TIAM2: variants seen among roughly 807,000 people sequenced by gnomAD.
TIAM2 encodes rho guanine nucleotide exchange factor TIAM2.
Under a neutral mutation model 152.9 loss-of-function variants are expected in TIAM2, and 80 were observed. The ratio of observed to expected loss-of-function variants is 0.52; its 90% CI spans 0.44 to 0.63. The LOEUF (loss-of-function observed/expected upper bound fraction) is 0.63, where lower values mean the gene tolerates loss of function less well. Ranked by LOEUF, TIAM2 falls within the 30% of genes least tolerant of loss-of-function variation. The pLI is 0.00. For missense variants in TIAM2, 1,965 were observed against 2,120.1 expected, an observed-to-expected ratio of 0.93 and a Z score of 1.44; for synonymous variants, 804 against 838.0, an observed-to-expected ratio of 0.96 and a Z score of 0.70.
In TIAM2 at chr6:155,060,232, C is replaced by T. The variant is rs535987744; in HGVS notation, c.-208-30057C>T. ...CAGCCTGACCAACGTGGAGAAACCC[C>T]GTCTCTACTAAAAATACAAAATTAG... On this transcript the variant is annotated intron_variant, in intron 1 of 26. Coordinates refer to ENST00000682666, the MANE Select transcript of TIAM2 (RefSeq NM_012454.4). Among the ~76,000 whole-genome samples, 39 of 150,376 alleles carry T rather than the reference C, an allele frequency of 2.6e-4. No individual in the cohort carries two copies. The East Asian group carries it at 5.8e-3, about 22-fold the overall frequency.
chr6:155,014,563 GT>G (rs1778542746), intron 1 of TIAM2, among the ~76,000 whole-genome samples: 1 of 152,016 alleles, frequency 6.6e-6, no homozygotes, highest in African/African-American at 2.4e-5. Flanking sequence ...ATTCTTTGCT[GT>G]TTGTATCAAT....
At chr6:155,055,136 C>A (rs9397770) in intron 1 of TIAM2, among the ~76,000 whole-genome samples, 2 of 152,052 alleles carry the variant, frequency 1.3e-5, no homozygotes, top group Non-Finnish European at 2.9e-5. Context: ...GTCTGGATCA[C>A]TGTTCATTGC....
chr6:155,256,409 C>T, intron 26 of TIAM2, 75 bp from the exon 27 acceptor site: 3 of 1,591,396 alleles, frequency 1.9e-6, no homozygotes, highest in Non-Finnish European at 1.7e-6. Flanking sequence ...AAATCTTACA[C>T]AAGCTTTGAG....
At chr6:155,089,395 C>T (rs976067707) in intron 1 of TIAM2, among the ~76,000 whole-genome samples, 9 of 152,114 alleles carry the variant, frequency 5.9e-5, no homozygotes, top group Non-Finnish European at 8.8e-5. Context: ...TTAGTAGAGA[C>T]GGGGTTTCAC....
chr6:155,220,477 C>T (rs1782005572), intron 15 of TIAM2, among the ~76,000 whole-genome samples: 2 of 152,184 alleles, frequency 1.3e-5, no homozygotes, highest in East Asian at 1.9e-4. Flanking sequence ...CTGGCCCCAC[C>T]AGTGCTTGTG....
intron 21 of TIAM2, chr6:155,250,429 C>T (rs1783582821): frequency 1.2e-6 from 1 of 814,090 alleles, no homozygotes; most frequent in Non-Finnish European, 1.9e-6. Flanking sequence ...GCTTCTCAAG[C>T]CAGCATGCAG....
chr6:155,061,003 C>G (rs546956162), intron 1 of TIAM2, among the ~76,000 whole-genome samples: 8 of 152,324 alleles, frequency 5.3e-5, no homozygotes, highest in Admixed American at 2.0e-4. Flanking sequence ...TCAATTTTCT[C>G]TATTCCAGTT....
intron 1 of TIAM2, among the ~76,000 whole-genome samples, chr6:155,024,845 G>T (rs1776568786): frequency 1.3e-5 from 2 of 152,122 alleles, no homozygotes; most frequent in Admixed American, 1.3e-4. Flanking sequence ...TTATTTACAG[G>T]TGGTTGAGTG....
At chr6:155,244,961 ATT>A (rs71268483) in intron 18 of TIAM2, 178 bp downstream of exon 18, 15 of 721,368 alleles carry the variant, frequency 2.1e-5, no homozygotes, top group Non-Finnish European at 2.6e-5. Flanking sequence ...GGCTGTATAT[ATT>A]TTTTTTTCCT....
At chr6:155,220,515 G>A (rs933449273) in intron 15 of TIAM2, among the ~76,000 whole-genome samples, 1 of 152,186 alleles carries the variant, frequency 6.6e-6, no homozygotes, top group Admixed American at 6.5e-5. Context: ...GGAAAGTAAG[G>A]ATGATGGCAC....
chr6:155,024,337 T>C (rs1393308574), intron 1 of TIAM2, among the ~76,000 whole-genome samples: 1 of 152,186 alleles, frequency 6.6e-6, no homozygotes, highest in East Asian at 1.9e-4. Flanking sequence ...AGATTATAAG[T>C]ATTAACAGAA....
At position 155,047,680 on chromosome 6, in the gene TIAM2, GA is replaced by G. The variant is rs1777210986; in HGVS notation, c.-208-42608del. 8.9e-5 allele frequency among the ~76,000 whole-genome samples: 4 copies of G among 44,934 alleles called. 1 individual carries two copies. The highest frequency in any genetic ancestry group is 1.4e-4 in the African/African-American group (2 of 14,386). The allele number at this position is 44,934 out of a possible 152,430, so 29.5% of individuals were successfully genotyped here. On this transcript the variant is annotated intron_variant, in intron 1 of 26. Transcript: ENST00000682666. ...GAGAGAGAGAGAGGAGAGAGAGAGAGAGAGAGAGGAGAGAGAGAGAGAGAGC... is the reference window on the plus strand; with the variant it reads ...GAGAGAGAGAGAGGAGAGAGAGAGAGGAGAGAGGAGAGAGAGAGAGAGAGC...
At chr6:155,104,594 A>C (rs1778637114) in intron 2 of TIAM2, among the ~76,000 whole-genome samples, 1 of 151,906 alleles carries the variant, frequency 6.6e-6, no homozygotes, top group Admixed American at 6.6e-5. Flanking sequence ...CGTCTCTACT[A>C]AAAATACAAA....
chr6:155,193,715 C>T (rs1781264989), intron 14 of TIAM2, among the ~76,000 whole-genome samples: 2 of 152,026 alleles, frequency 1.3e-5, no homozygotes, highest in African/African-American at 4.8e-5. Flanking sequence ...GAACATGTTC[C>T]AAGGGTGGAG....
intron 14 of TIAM2, among the ~76,000 whole-genome samples, chr6:155,209,200 C>T (rs566119128): frequency 5.7e-4 from 87 of 152,028 alleles, no homozygotes; most frequent in South Asian, 1.9e-3. Context: ...TCACCAACTG[C>T]CTCTCCCCAG....
In TIAM2 at chr6:155,257,599, C is replaced by CA; in HGVS notation, c.*478_*479insA. 2.0e-6 allele frequency: 1 copy of CA among 497,826 alleles called. No homozygotes were observed. 30.8% of individuals were successfully genotyped at this position (497,826 alleles called of 1,614,324 possible). A position where few individuals can be genotyped will look rare whatever the true frequency, so the allele number is the denominator to read the frequency against. On this transcript the variant is annotated 3_prime_UTR_variant, in exon 27 of 27. Transcript: ENST00000682666. ...TTTGTAAGATAGATTGTAATAGATGCTGTTTATACTAAACATGTCATAACT... is the reference window on the plus strand; with the variant it reads ...TTTGTAAGATAGATTGTAATAGATGCATGTTTATACTAAACATGTCATAACT...
At chr6:155,024,652 TAA>T (rs58181899) in intron 1 of TIAM2, among the ~76,000 whole-genome samples, 242 of 146,782 alleles carry the variant, frequency 1.6e-3, no homozygotes, top group Admixed American at 2.9e-3. Context: ...TCCATGTCTT[TAA>T]AAAAAAAAAA....
At chr6:155,075,634 G>A (rs149698813) in intron 1 of TIAM2, among the ~76,000 whole-genome samples, 21 of 152,316 alleles carry the variant, frequency 1.4e-4, no homozygotes, top group African/African-American at 4.8e-4. Flanking sequence ...TTGAATATTT[G>A]CATATACATA....
intron 15 of TIAM2, among the ~76,000 whole-genome samples, chr6:155,221,642 C>A (rs1037649149): frequency 6.6e-6 from 1 of 152,140 alleles, no homozygotes; most frequent in Non-Finnish European, 1.5e-5. Context: ...TCGTAAGGGA[C>A]CTCTTGCCAG....
Sources: gnomAD v4.1 joint callset for allele counts (sites outside exome capture counted in the v4.1 genomes callset) on GRCh38, gnomAD v4.1.1 for gene constraint, MANE v1.5 for transcripts, NCBI Gene and HGNC (gene_info 2026-07-23, HGNC 2026-07-21) for gene names.